Variants in PIAS1 observed in about 807,000 individuals in gnomAD.
PIAS1 encodes the protein E3 SUMO-protein ligase PIAS1.
Under a neutral mutation model 71.3 loss-of-function variants are expected in PIAS1, and 6 were observed. The ratio of observed to expected loss-of-function variants is 0.08; its 90% CI spans 0.05 to 0.17. PIAS1 has a LOEUF of 0.17. PIAS1 is among the 10% of genes least tolerant of loss of function. The pLI, the probability that PIAS1 is intolerant of heterozygous loss-of-function variation, is 1.00. For missense variants in PIAS1, 555 were observed against 793.6 expected, an observed-to-expected ratio of 0.70 and a Z score of 3.61; for synonymous variants, 303 against 292.9, an observed-to-expected ratio of 1.03 and a Z score of -0.35.
At chr15:68,096,778 C>T (rs559780202) in intron 2 of PIAS1, among the ~76,000 whole-genome samples, 31 of 152,076 alleles carry the variant, frequency 2.0e-4, no homozygotes, top group Non-Finnish European at 3.8e-4. Context: ...CTGCAGTTTT[C>T]CTGTTTGTTT....
chr15:68,090,074 C>G (rs1379599074), intron 2 of PIAS1, among the ~76,000 whole-genome samples: 1 of 151,028 alleles, frequency 6.6e-6, no homozygotes, highest in Non-Finnish European at 1.5e-5. Flanking sequence ...GAGTCAGGGT[C>G]TCATCATGTC....
At position 68,140,666 on chromosome 15, in the gene PIAS1, C is replaced by T. The variant is rs370883973; in HGVS notation, c.470-1280C>T. Among the ~76,000 whole-genome samples, 38 of 152,132 alleles carry T rather than the reference C, an allele frequency of 2.5e-4. No homozygotes were observed. The East Asian group carries it at 2.7e-3, about 11-fold the overall frequency. On this transcript the variant is annotated intron_variant, in intron 2 of 13. Coordinates refer to ENST00000249636, the MANE Select transcript of PIAS1 (RefSeq NM_016166.3). ...TTTCTATTTCTTTCTCTTAATGATA[C>T]GTTTGGTATCGACTTTTTGCGTGAC...
chr15:68,085,139 G>A (rs2092267952), intron 1 of PIAS1, among the ~76,000 whole-genome samples: 1 of 152,172 alleles, frequency 6.6e-6, no homozygotes, highest in Non-Finnish European at 1.5e-5. Context: ...GGCAGCATAA[G>A]CATAGCTTTT....
At chr15:68,129,461 AGTT>A (rs2092673949) in intron 2 of PIAS1, among the ~76,000 whole-genome samples, 3 of 152,168 alleles carry the variant, frequency 2.0e-5, no homozygotes, top group African/African-American at 7.2e-5. Flanking sequence ...AAACTATAAA[AGTT>A]GTTGTTGTGA....
chr15:68,160,179 C>T (rs187871266), intron 7 of PIAS1, among the ~76,000 whole-genome samples: 1 of 152,084 alleles, frequency 6.6e-6, no homozygotes, highest in East Asian at 1.9e-4. Context: ...ATTATGAAAT[C>T]TTTGCCTAAA....
At chr15:68,058,976 A>T (rs1226102642) in intron 1 of PIAS1, among the ~76,000 whole-genome samples, 11 of 150,460 alleles carry the variant, frequency 7.3e-5, no homozygotes, top group African/African-American at 2.7e-4. Context: ...GTTTTATTAA[A>T]CTAGTCCCTG....
In PIAS1 at chr15:68,173,642, T is replaced by C. The variant is rs1256707430; in HGVS notation, c.1009-90T>C. On this transcript the variant is annotated intron_variant, in intron 8 of 13. Transcript: ENST00000249636. The surrounding 1 kb of genome is among the most constrained non-coding windows in gnomAD (Gnocchi z 4.3). The stretch of plus-strand genomic sequence containing the variant: ...CAACACTGTATGCTTTAAATCAGCA[T>C]GCCTACCTGTTGTGTTCTAGGAAAT... 3 of 775,462 alleles carry C rather than the reference T, an allele frequency of 3.9e-6. No individual in the cohort carries two copies. Among genetic ancestry groups the C allele is most frequent in the Non-Finnish European group, 5.8e-6 (3 of 513,674 alleles). The allele number at this position is 775,462 out of a possible 1,614,324, so 48.0% of individuals were successfully genotyped here.
chr15:68,109,090 A>G (rs777212647), intron 2 of PIAS1, among the ~76,000 whole-genome samples: 3 of 151,914 alleles, frequency 2.0e-5, no homozygotes, highest in Admixed American at 6.6e-5. Flanking sequence ...TGTTACCTTG[A>G]CTCTAACAAC....
At chr15:68,177,233 C>G (rs950379156) in intron 11 of PIAS1, among the ~76,000 whole-genome samples, 3 of 132,274 alleles carry the variant, frequency 2.3e-5, no homozygotes, top group African/African-American at 8.1e-5. Context: ...GAGCCAAGAT[C>G]GTGCCATTGC....
intron 1 of PIAS1, chr15:68,055,820 A>T (rs1380610603): frequency 1.5e-6 from 1 of 661,920 alleles, no homozygotes; most frequent in Non-Finnish European, 2.7e-6. Flanking sequence ...GCCAGATTTG[A>T]TTCTGTAGAG....
At chr15:68,079,042 C>T (rs2092200109) in intron 1 of PIAS1, among the ~76,000 whole-genome samples, 1 of 51,388 alleles carries the variant, frequency 1.9e-5, no homozygotes, top group Non-Finnish European at 6.0e-5. Context: ...TAGTTAATCC[C>T]TCTTTTTTTT....
At chr15:68,090,823 A>G (rs2092326008) in intron 2 of PIAS1, among the ~76,000 whole-genome samples, 1 of 152,162 alleles carries the variant, frequency 6.6e-6, no homozygotes, top group South Asian at 2.1e-4. Context: ...AATTACAAAA[A>G]TGTTATGTTT....
Position 68,192,291 on chromosome 15 carries a change from T to C in PIAS1, c.*4456T>C, listed in dbSNP as rs2093123919. 6.6e-6 allele frequency: 1 copy of C among 152,196 alleles called. No homozygotes were observed. The highest frequency in any genetic ancestry group is 2.4e-5 in the African/African-American group (1 of 41,446). 9.4% of individuals were successfully genotyped at this position (152,196 alleles called of 1,614,324 possible). A position where few individuals can be genotyped will look rare whatever the true frequency, so the allele number is the denominator to read the frequency against. On this transcript the variant is annotated 3_prime_UTR_variant, in exon 14 of 14. Coordinates refer to ENST00000249636, the MANE Select transcript of PIAS1 (RefSeq NM_016166.3). Reference sequence around the variant, plus strand: ...AGCATCTAACCGGCCCTCTGGTGGATTTACCATGAAGGTAATGAAGTTTAA... The same window carrying C: ...AGCATCTAACCGGCCCTCTGGTGGACTTACCATGAAGGTAATGAAGTTTAA...
Position 68,174,039 on chromosome 15 carries a change from T to A in PIAS1, c.1169+147T>A, listed in dbSNP as rs188895271. On this transcript the variant is annotated intron_variant, in intron 9 of 13. Coordinates refer to ENST00000249636, the MANE Select transcript of PIAS1 (RefSeq NM_016166.3). This position sits in a 1 kb window ranked among gnomAD's most constrained non-coding sequence, Gnocchi z 4.0. ...AACCAATATTTTCAAAGTAATTTAT[T>A]TCAAATTAGTGTTATGAATATTTTA... The A allele has an allele frequency of 1.8e-3, 865 of 469,116 alleles. 1 individual carries two copies. Among genetic ancestry groups the A allele is most frequent in the Middle Eastern group, 4.0e-3 (7 of 1,740 alleles). The allele number at this position is 469,116 out of a possible 1,614,324, so 29.1% of individuals were successfully genotyped here.
At chr15:68,116,207 C>A (rs2141014846) in intron 2 of PIAS1, among the ~76,000 whole-genome samples, 1 of 151,040 alleles carries the variant, frequency 6.6e-6, no homozygotes. Flanking sequence ...GGTAGAAGTC[C>A]CCCGAGAATA....
intron 1 of PIAS1, among the ~76,000 whole-genome samples, chr15:68,062,355 G>A (rs2091969146): frequency 6.6e-6 from 1 of 152,104 alleles, no homozygotes; most frequent in African/African-American, 2.4e-5. Context: ...GGAGGTGACA[G>A]CTTTATTGAG....
rs920329721 is a variant in PIAS1 at position 68,176,550 on chromosome 15, G to T, written c.1377G>T (p.Val459=). ...CAAATAAAAACAAGAAAGTAGAAGT[G>T]ATTGACCTAACCATAGACAGTTCAT... is the stretch of plus-strand genomic sequence containing the variant. ...QSSNKNKKVE[V]IDLTIDSSSD... is the part of the protein sequence containing the mutation. The change falls in exon 11 of 14, where the codon GTG becomes GTT. Residue 459 remains valine, a synonymous_variant. Coordinates refer to ENST00000249636, the MANE Select transcript of PIAS1 (RefSeq NM_016166.3). The T allele has an allele frequency of 1.7e-5, 27 of 1,613,132 alleles. No homozygotes were observed. Among genetic ancestry groups the T allele is most frequent in the Non-Finnish European group, 2.2e-5 (26 of 1,179,492 alleles).
chr15:68,091,728 T>A (rs1291083531), intron 2 of PIAS1, among the ~76,000 whole-genome samples: 3 of 152,186 alleles, frequency 2.0e-5, no homozygotes, highest in Non-Finnish European at 4.4e-5. Flanking sequence ...TAGGTTAGCT[T>A]AACCTACCTT....
rs1448352406 is a variant in PIAS1, at chr15:68,171,350, T to G, written c.1009-2382T>G. Among the ~76,000 whole-genome samples, 1 of 151,656 alleles carries G rather than the reference T, an allele frequency of 6.6e-6. No homozygotes were observed. The highest frequency in any genetic ancestry group is 2.4e-5 in the African/African-American group (1 of 41,276). Reference sequence around the variant, plus strand: ...TGTTTTACAGTTAACTTTTAAAATATATATAAGTAAAGGGAGTACACTCCA... The same window carrying G: ...TGTTTTACAGTTAACTTTTAAAATAGATATAAGTAAAGGGAGTACACTCCA... On this transcript the variant is annotated intron_variant, in intron 8 of 13. Coordinates refer to ENST00000249636, the MANE Select transcript of PIAS1 (RefSeq NM_016166.3). This position sits in a 1 kb window ranked among gnomAD's most constrained non-coding sequence, Gnocchi z 4.4.
Sources: allele counts gnomAD v4.1 joint callset (sites outside exome capture counted in the v4.1 genomes callset), GRCh38; gene constraint gnomAD v4.1.1; non-coding constraint Gnocchi (gnomAD v3.1); transcripts MANE v1.5; gene names NCBI Gene and HGNC (gene_info 2026-07-23, HGNC 2026-07-21).